EML6: variants seen among roughly 807,000 people sequenced by gnomAD.
The protein encoded by EML6 is EMAP like 6.
EML6 carries 154 observed loss-of-function variants against 240.1 expected under a neutral mutation model. The ratio of observed to expected loss-of-function variants is 0.64; its 90% confidence interval spans 0.56 to 0.73. The LOEUF (loss-of-function observed/expected upper bound fraction) is 0.73, where lower values mean the gene tolerates loss of function less well. Among genes scored for constraint, EML6 ranks in the 30% least tolerant of loss-of-function variants. The pLI is 0.00. For synonymous variants in EML6, 1,148 were observed against 899.0 expected (o/e 1.28, Z -4.95); for missense variants, 2,964 against 2,474.6 (o/e 1.20, Z -4.20).
Position 54,820,357 on chromosome 2 carries a change from AAATGATC to A in EML6, c.457-34_457-28del, listed in dbSNP as rs1390421523. On this transcript the variant is annotated intron_variant, in intron 4 of 41. Transcript: ENST00000356458. The stretch of plus-strand genomic sequence containing the variant: ...TATTGGGAAAAGGCAAAAATATACC[AAATGATC>A]AACATGGCAACTTTTAATGTTTTGA... 3.5e-6 allele frequency: 5 copies of A among 1,445,008 alleles called. No individual in the cohort carries two copies. The East Asian group carries it at 1.2e-4, about 36-fold the overall frequency. The allele number at this position is 1,445,008 out of a possible 1,614,324, so 89.5% of individuals were successfully genotyped here.
chr2:54,796,101 C>G (rs1369278694), intron 2 of EML6, among the ~76,000 whole-genome samples: 1 of 151,972 alleles, frequency 6.6e-6, no homozygotes, highest in Non-Finnish European at 1.5e-5. Flanking sequence ...TCAAAAGATT[C>G]TGAAGGGAAA....
At chr2:54,799,640 G>A (rs1435778194) in intron 2 of EML6, among the ~76,000 whole-genome samples, 1 of 152,226 alleles carries the variant, frequency 6.6e-6, no homozygotes, top group Non-Finnish European at 1.5e-5. Flanking sequence ...ATCGTGCCCA[G>A]CTGTGCATGG....
chr2:54,931,115 G>A (rs1411554376), intron 28 of EML6, among the ~76,000 whole-genome samples: 52 of 152,150 alleles, frequency 3.4e-4, no homozygotes, highest in African/African-American at 1.2e-3. Context: ...CCGCCACCAT[G>A]CCCGGCTAAT....
intron 25 of EML6, among the ~76,000 whole-genome samples, chr2:54,911,812 T>C (rs74749991): frequency 2.3e-3 from 345 of 152,342 alleles, no homozygotes; most frequent in Middle Eastern, 0.014. Flanking sequence ...CTTTTTTCCA[T>C]GTTTCCTCAT....
rs558421354 is a variant in EML6 at position 54,869,379 on chromosome 2, C to T, written c.2238+12C>T. 3.5e-5 allele frequency: 54 copies of T among 1,526,854 alleles called. No homozygotes were observed. In the African/African-American group the frequency reaches 6.6e-4, roughly 19 times the overall value. The allele number at this position is 1,526,854 out of a possible 1,614,324, so 94.6% of individuals were successfully genotyped here. A position where few individuals can be genotyped will look rare whatever the true frequency, so the allele number is the denominator to read the frequency against. On this transcript the variant is annotated intron_variant, in intron 15 of 41. Transcript: ENST00000356458. ...TGGCTACTGGGCAGGTATCTATCTC[C>T]TGTAAACTAGGGCCTAGCCAAAAAG...
chr2:54,884,429 G>T (rs1426664355), intron 17 of EML6, among the ~76,000 whole-genome samples: 2 of 152,172 alleles, frequency 1.3e-5, no homozygotes, highest in African/African-American at 4.8e-5. Context: ...GGCGATGGGT[G>T]AGCAACTTAT....
intron 3 of EML6, among the ~76,000 whole-genome samples, chr2:54,814,532 C>A (rs1473170086): frequency 6.6e-6 from 1 of 152,202 alleles, no homozygotes; most frequent in East Asian, 1.9e-4. Flanking sequence ...CTGTGCCACC[C>A]TTCCTCTGTC....
intron 2 of EML6, among the ~76,000 whole-genome samples, chr2:54,744,293 C>CTGAG (rs1309568942): frequency 6.6e-5 from 10 of 152,012 alleles, no homozygotes; most frequent in African/African-American, 2.4e-4. Context: ...CAAGAGCTGG[C>CTGAG]TGAGTGCCTA....
At chr2:54,942,816 G>C (rs997715600) in intron 28 of EML6, among the ~76,000 whole-genome samples, 7 of 152,012 alleles carry the variant, frequency 4.6e-5, no homozygotes, top group Admixed American at 2.6e-4. Context: ...TCTCATTCCC[G>C]GGTACACCTG....
Position 54,856,704 on chromosome 2 carries a change from A to G in EML6, c.1658-2830A>G, listed in dbSNP as rs376988082. On this transcript the variant is annotated intron_variant, in intron 11 of 41. Coordinates refer to ENST00000356458, the MANE Select transcript of EML6 (RefSeq NM_001039753.4). The stretch of plus-strand genomic sequence containing the variant: ...GTACCGTGACATTGGAGAGGGTGAC[A>G]GGGCTGTGTCGTAAAGGGCCCCCTG... Among the ~76,000 whole-genome samples, 8 of 152,370 alleles carry G rather than the reference A, an allele frequency of 5.3e-5. No homozygotes were observed. In the East Asian group the frequency reaches 1.3e-3, roughly 26 times the overall value.
intron 28 of EML6, among the ~76,000 whole-genome samples, chr2:54,936,392 G>A (rs922946612): frequency 6.6e-6 from 1 of 152,168 alleles, no homozygotes; most frequent in Non-Finnish European, 1.5e-5. Context: ...GTTTGACATA[G>A]GTGGATGTCC....
At chr2:54,773,728 A>G (rs1230421944) in intron 2 of EML6, among the ~76,000 whole-genome samples, 1 of 152,208 alleles carries the variant, frequency 6.6e-6, no homozygotes, top group Non-Finnish European at 1.5e-5. Flanking sequence ...TCTTTCTTGC[A>G]GCTAACTTTA....
chr2:54,899,776 A>G lies in EML6; in HGVS notation c.3118A>G (p.Lys1040Glu). 6.5e-7 allele frequency: 1 copy of G among 1,548,702 alleles called. No individual in the cohort carries two copies. Among genetic ancestry groups the G allele is most frequent in the African/African-American group, 1.4e-5 (1 of 73,040 alleles). ...CCGTATGCTGGCAGTACGGAAACTC[A>G]AAAAAGGTACATAACACCACCTTAC... ...QHRMLAVRKLKKGGRCCAFSP... is the reference protein window; with the variant it reads ...QHRMLAVRKLEKGGRCCAFSP... The change falls in exon 22 of 42, where the codon AAA becomes GAA. Residue 1040 changes from lysine to glutamate, a missense_variant. Physicochemically the swap from Lys to Glu is moderately conservative, Grantham distance 56. Coordinates refer to ENST00000356458, the MANE Select transcript of EML6 (RefSeq NM_001039753.4).
intron 19 of EML6, 35 bp downstream of exon 19, chr2:54,892,691 C>A (rs935991859): frequency 6.7e-6 from 10 of 1,502,304 alleles, no homozygotes; most frequent in Non-Finnish European, 8.1e-6. Flanking sequence ...TTTTCCTCAT[C>A]AGCCTTCTAA....
intron 24 of EML6, among the ~76,000 whole-genome samples, chr2:54,910,481 T>G (rs1023542061): frequency 6.6e-6 from 1 of 152,258 alleles, no homozygotes; most frequent in African/African-American, 2.4e-5. Context: ...TTGTGTGTTC[T>G]GTTTCTAAAC....
chr2:54,899,065 C>A (rs1672920887), intron 21 of EML6, among the ~76,000 whole-genome samples: 1 of 152,182 alleles, frequency 6.6e-6, no homozygotes, highest in South Asian at 2.1e-4. Context: ...GACGCAGAAC[C>A]TGGGCTACAC....
intron 2 of EML6, among the ~76,000 whole-genome samples, chr2:54,729,969 C>T (rs1205122029): frequency 6.6e-6 from 1 of 152,082 alleles, no homozygotes; most frequent in Non-Finnish European, 1.5e-5. Flanking sequence ...AACCCCATCT[C>T]TACAGAAAAT....
intron 24 of EML6, among the ~76,000 whole-genome samples, chr2:54,908,606 T>G (rs762473305): frequency 3.3e-5 from 5 of 152,190 alleles, no homozygotes; most frequent in Non-Finnish European, 4.4e-5. Flanking sequence ...CTCCCACTCT[T>G]AGGCAGCTAG....
chr2:54,852,594 A>G (rs1449033855), intron 10 of EML6, among the ~76,000 whole-genome samples: 1 of 152,130 alleles, frequency 6.6e-6, no homozygotes, highest in Non-Finnish European at 1.5e-5. Context: ...ACTTCCTAGG[A>G]CTGTATTCTC....
Sources: gnomAD v4.1 joint callset for allele counts (sites outside exome capture counted in the v4.1 genomes callset) on GRCh38, gnomAD v4.1.1 for gene constraint, MANE v1.5 for transcripts, NCBI Gene and HGNC (gene_info 2026-07-23, HGNC 2026-07-21) for gene names.